The following FSTL5 variants were observed in gnomAD, a reference collection of about 807,000 sequenced individuals.
The protein encoded by FSTL5 is follistatin-related protein 5.
In FSTL5, 62 loss-of-function variants were observed where a neutral mutation model predicts 89.1. The ratio of observed to expected loss-of-function variants is 0.70; its 90% confidence interval spans 0.57 to 0.86. The LOEUF (loss-of-function observed/expected upper bound fraction) is 0.86, where lower values mean the gene tolerates loss of function less well. Among genes scored for constraint, FSTL5 ranks in the 40% least tolerant of loss-of-function variants. The pLI, the probability that FSTL5 is intolerant of heterozygous loss-of-function variation, is 0.00. For missense variants in FSTL5, 1,057 were observed against 1,001.6 expected, an observed-to-expected ratio of 1.06 and a Z score of -0.75; for synonymous variants, 383 against 346.2, an observed-to-expected ratio of 1.11 and a Z score of -1.18.
intron 4 of FSTL5, among the ~76,000 whole-genome samples, chr4:161,812,731 C>G (rs948115813): frequency 6.6e-6 from 1 of 151,872 alleles, no homozygotes; most frequent in African/African-American, 2.4e-5. Context: ...CCATCCTAGT[C>G]TACATTTTCA....
rs569220852 is a variant in FSTL5 at position 161,712,841 on chromosome 4, C to G, written c.727+46570G>C. On this transcript the variant is annotated intron_variant, in intron 6 of 15. Transcript: ENST00000306100. ...TTAAAAGGGCTTGACCCCTCACCCC[C>G]CTCTCTCTCGTTCCCTTTCTCGCAT... 1.7e-3 allele frequency among the ~76,000 whole-genome samples: 264 copies of G among 151,566 alleles called. 1 individual carries two copies. The highest frequency in any genetic ancestry group is 6.8e-3 in the Middle Eastern group (2 of 294).
intron 4 of FSTL5, among the ~76,000 whole-genome samples, chr4:161,878,178 T>C (rs1732510297): frequency 6.6e-6 from 1 of 152,114 alleles, no homozygotes; most frequent in Non-Finnish European, 1.5e-5. Context: ...TATTTGAATA[T>C]TAACCATTTA....
chr4:161,503,570 A>T (rs1393328660), intron 11 of FSTL5, among the ~76,000 whole-genome samples: 1 of 152,014 alleles, frequency 6.6e-6, no homozygotes, highest in Non-Finnish European at 1.5e-5. Context: ...ATATTCTATT[A>T]CATTATAACA....
intron 3 of FSTL5, among the ~76,000 whole-genome samples, chr4:161,980,764 CTTTTTTTTTT>C (rs34223215): frequency 1.4e-5 from 1 of 71,826 alleles, no homozygotes; most frequent in South Asian, 6.7e-4. Flanking sequence ...CTTCAAGTAA[CTTTTTTTTTT>C]TTTTTTTTTT....
At chr4:161,898,558 T>C (rs1733244299) in intron 4 of FSTL5, among the ~76,000 whole-genome samples, 1 of 152,110 alleles carries the variant, frequency 6.6e-6, no homozygotes, top group Admixed American at 6.5e-5. Context: ...AATTGTCATT[T>C]ATATATTTGC....
intron 3 of FSTL5, among the ~76,000 whole-genome samples, chr4:161,940,413 A>C (rs1424090608): frequency 6.6e-6 from 1 of 151,842 alleles, no homozygotes; most frequent in African/African-American, 2.4e-5. Flanking sequence ...GATAAAATAC[A>C]TTAATTTACA....
chr4:161,775,527 C>G (rs1056407414), intron 5 of FSTL5, among the ~76,000 whole-genome samples: 1 of 152,024 alleles, frequency 6.6e-6, no homozygotes, highest in African/African-American at 2.4e-5. Context: ...GATAAATCAG[C>G]TTTTATTGAC....
intron 8 of FSTL5, among the ~76,000 whole-genome samples, chr4:161,562,735 A>G (rs143103420): frequency 6.6e-6 from 1 of 151,966 alleles, no homozygotes; most frequent in Non-Finnish European, 1.5e-5. Context: ...GCTTTTAAGT[A>G]TACAGTGCAG....
At chr4:162,000,776 C>T (rs1736441203) in intron 3 of FSTL5, among the ~76,000 whole-genome samples, 1 of 151,918 alleles carries the variant, frequency 6.6e-6, no homozygotes, top group Admixed American at 6.6e-5. Flanking sequence ...TCTTCTGCAA[C>T]AAGGTCATAA....
chr4:161,769,890 A>C (rs190319853), intron 5 of FSTL5, among the ~76,000 whole-genome samples: 1 of 151,818 alleles, frequency 6.6e-6, no homozygotes, highest in Admixed American at 6.6e-5. Context: ...ATATAATCTT[A>C]TATTTGAAAA....
intron 1 of FSTL5, among the ~76,000 whole-genome samples, chr4:162,125,775 T>C (rs2111444961): frequency 6.6e-6 from 1 of 152,200 alleles, no homozygotes; most frequent in Admixed American, 6.5e-5. Flanking sequence ...GTTGTTTTTT[T>C]ACTATAACAA....
chr4:161,980,940 T>C (rs1461326570), intron 3 of FSTL5, among the ~76,000 whole-genome samples: 2 of 151,896 alleles, frequency 1.3e-5, no homozygotes, highest in African/African-American at 2.4e-5. Flanking sequence ...TTTGTACTTT[T>C]AGTAGAGACG....
chr4:161,797,775 T>G (rs1729677622), intron 4 of FSTL5, among the ~76,000 whole-genome samples: 1 of 151,658 alleles, frequency 6.6e-6, no homozygotes, highest in African/African-American at 2.4e-5. Flanking sequence ...GTTAATATGA[T>G]ATTTTTGAAG....
At chr4:161,990,695 C>T (rs1258032935) in intron 3 of FSTL5, among the ~76,000 whole-genome samples, 1 of 151,920 alleles carries the variant, frequency 6.6e-6, no homozygotes, top group Non-Finnish European at 1.5e-5. Flanking sequence ...GGATATTTGG[C>T]ATTTATATTA....
chr4:162,114,247 G>A (rs1221656378), intron 1 of FSTL5, among the ~76,000 whole-genome samples: 3 of 151,848 alleles, frequency 2.0e-5, no homozygotes, highest in African/African-American at 7.3e-5. Flanking sequence ...TTGTTTATAA[G>A]ACATCTGGAT....
At chr4:162,054,805 G>T (rs13149972) in intron 2 of FSTL5, among the ~76,000 whole-genome samples, 36,595 of 151,644 alleles carry the variant, frequency 0.24, 5,159 homozygotes, top group Non-Finnish European at 0.32. Flanking sequence ...GTAATGTTCA[G>T]GGATACAGTG....
chr4:162,147,417 A>C (rs1422476226), intron 1 of FSTL5, among the ~76,000 whole-genome samples: 1 of 152,226 alleles, frequency 6.6e-6, no homozygotes, highest in African/African-American at 2.4e-5. Flanking sequence ...TCTTCACAAC[A>C]GGCAAAAGGT....
chr4:161,759,508 G>C lies in FSTL5; in HGVS notation c.630C>G (p.Gly210=). Residue 210 remains glycine, a synonymous_variant, in exon 6 of 16, where the codon GGC becomes GGG. Transcript: ENST00000306100. ...ACAAAGTACAATCAAAGAGATCCTT[G>C]CCAAGTTCTTCCTGTTTTATCACCT... ...LTQVIKQEEL[G]KDLFDCTLYV... 1 of 1,564,802 alleles carries C rather than the reference G, an allele frequency of 6.4e-7. No homozygotes were observed. Among genetic ancestry groups the C allele is most frequent in the Non-Finnish European group, 8.7e-7 (1 of 1,155,654 alleles).
intron 10 of FSTL5, among the ~76,000 whole-genome samples, chr4:161,517,348 T>C (rs1262560425): frequency 1.3e-5 from 2 of 152,164 alleles, no homozygotes; most frequent in African/African-American, 4.8e-5. Flanking sequence ...AATTGAACAA[T>C]AAAACCCTCA....
Sources: allele counts gnomAD v4.1 joint callset (sites outside exome capture counted in the v4.1 genomes callset), GRCh38; gene constraint gnomAD v4.1.1; transcripts MANE v1.5; gene names NCBI Gene and HGNC (gene_info 2026-07-23, HGNC 2026-07-21).